ISLR: variants seen among roughly 807,000 people sequenced by gnomAD.
ISLR encodes immunoglobulin superfamily containing leucine rich repeat.
Under a neutral mutation model 11.0 loss-of-function variants are expected in ISLR, and 9 were observed. The observed-to-expected ratio is 0.82, with a 90% CI of 0.49 to 1.43. The LOEUF is 1.43. ISLR is among the 40% of genes most tolerant of loss of function. ISLR has a pLI of 0.00. For synonymous variants in ISLR, 262 were observed against 264.1 expected (o/e 0.99, Z 0.08); for missense variants, 510 against 576.4 (o/e 0.88, Z 1.18).
chr15:74,175,418 G>A lies in ISLR; in HGVS notation c.560G>A (p.Gly187Asp). ...GAGAACCCCTTCGACTGCACCTGCG[G>A]CATCGTGTGGCTCAAGACATGGGCC... ...INENPFDCTCGIVWLKTWALT... is the reference protein window; with the variant it reads ...INENPFDCTCDIVWLKTWALT... The change falls in exon 2 of 2, where the codon GGC (glycine) becomes GAC (aspartate). Residue 187 changes from glycine (G) to aspartate (D), a missense_variant. Transcript: ENST00000249842. The surrounding 1 kb of genome is among the most constrained non-coding windows in gnomAD (Gnocchi z 4.7). 1.2e-6 allele frequency: 2 copies of A among 1,612,040 alleles called. No homozygotes were observed. The highest frequency in any genetic ancestry group is 8.5e-7 in the Non-Finnish European group (1 of 1,179,968).
rs1342200652 is a variant in ISLR at position 74,175,048 on chromosome 15, G to C, written c.190G>C (p.Gly64Arg). 4 of 1,611,350 alleles carry C rather than the reference G, an allele frequency of 2.5e-6. No individual in the cohort carries two copies. Among genetic ancestry groups the C allele is most frequent in the Non-Finnish European group, 2.5e-6 (3 of 1,178,954 alleles). Residue 64 changes from glycine (G) to arginine (R), a missense_variant, in exon 2 of 2, where the codon GGC becomes CGC. Coordinates refer to ENST00000249842, the MANE Select transcript of ISLR (RefSeq NM_005545.4). The surrounding 1 kb of genome is among the most constrained non-coding windows in gnomAD (Gnocchi z 4.7). ...TLSLSANRLP[G>R]LPEGAFREVP... ...GAGCCTGTCAGCCAACCGGCTGCCA[G>C]GCTTGCCGGAGGGTGCCTTCAGGGA...
At position 74,175,160 on chromosome 15, in the gene ISLR, A is replaced by G. The variant is rs1176764625; in HGVS notation, c.302A>G (p.Lys101Arg). 6.2e-7 allele frequency: 1 copy of G among 1,612,316 alleles called. No individual in the cohort carries two copies. The highest frequency in any genetic ancestry group is 8.5e-7 in the Non-Finnish European group (1 of 1,179,996). ...AGALASLSHL[K>R]SLDLSHNLIS... ...GCCCTGGCCTCTCTGAGCCATCTCA[A>G]GAGCCTGGACCTCAGCCACAATCTC... The change falls in exon 2 of 2, where the codon AAG becomes AGG. Residue 101 changes from lysine to arginine, a missense_variant. Physicochemically the swap from Lys to Arg is conservative, Grantham distance 26. Coordinates refer to ENST00000249842, the MANE Select transcript of ISLR (RefSeq NM_005545.4). This position sits in a 1 kb window ranked among gnomAD's most constrained non-coding sequence, Gnocchi z 4.7.
chr15:74,174,737 G>T (rs2072771614), intron 1 of ISLR, 114 bp from the exon 2 acceptor site: 4 of 756,728 alleles, frequency 5.3e-6, no homozygotes, highest in Non-Finnish European at 8.1e-6. Flanking sequence ...GATTTAGCTG[G>T]GTTATGTGGG....
Position 74,176,865 on chromosome 15 carries a change from T to G in ISLR, c.*720T>G, listed in dbSNP as rs977081303. The G allele has an allele frequency of 6.0e-6, 1 of 167,214 alleles. No individual in the cohort carries two copies. Among genetic ancestry groups the G allele is most frequent in the East Asian group, 1.9e-4 (1 of 5,210 alleles). 10.4% of individuals were successfully genotyped at this position (167,214 alleles called of 1,614,324 possible). A position where few individuals can be genotyped will look rare whatever the true frequency, so the allele number is the denominator to read the frequency against. ...GCAGCAGAGAAATAAACAGCATTTCTGATGCCCCTCCGTGTCTGCCTGGAA... is the reference window on the plus strand; with the variant it reads ...GCAGCAGAGAAATAAACAGCATTTCGGATGCCCCTCCGTGTCTGCCTGGAA... On this transcript the variant is annotated 3_prime_UTR_variant, in exon 2 of 2. Coordinates refer to ENST00000249842, the MANE Select transcript of ISLR (RefSeq NM_005545.4).
At chr15:74,174,145 G>C (rs1275554925) in intron 1 of ISLR, 126 bp downstream of exon 1, 1 of 152,372 alleles carries the variant, frequency 6.6e-6, no homozygotes, top group African/African-American at 2.4e-5. Context: ...CCCTAGCTTG[G>C]AGCCGTCCAG....
rs2072795631 is a variant in ISLR, at chr15:74,176,316, C to T, written c.*171C>T. On this transcript the variant is annotated 3_prime_UTR_variant, in exon 2 of 2. Coordinates refer to ENST00000249842, the MANE Select transcript of ISLR (RefSeq NM_005545.4). ...CTGCTATCCCCAACTTCTAGACCTG[C>T]TCCAAACTAGTGACTAGGATAGAAT... 1 of 558,900 alleles carries T rather than the reference C, an allele frequency of 1.8e-6. No individual in the cohort carries two copies. Among genetic ancestry groups the T allele is most frequent in the Non-Finnish European group, 3.2e-6 (1 of 314,120 alleles). 34.6% of individuals were successfully genotyped at this position (558,900 alleles called of 1,614,324 possible). A position where few individuals can be genotyped will look rare whatever the true frequency, so the allele number is the denominator to read the frequency against.
rs1406394647 is a variant in ISLR, at chr15:74,175,474, GACA to G, written c.620_622del (p.Asn207del). ...CACGGCCGTGTCCATCCCGGAGCAG[GACA>G]ACATCGCCTGCACCTCACCCCATGT... On this transcript the variant is annotated inframe_deletion, in exon 2 of 2. Transcript: ENST00000249842. This position sits in a 1 kb window ranked among gnomAD's most constrained non-coding sequence, Gnocchi z 4.7. 4 of 1,610,630 alleles carry G rather than the reference GACA, an allele frequency of 2.5e-6. No individual in the cohort carries two copies. Among genetic ancestry groups the G allele is most frequent in the Admixed American group, 1.7e-5 (1 of 60,008 alleles).
chr15:74,175,632 T>C lies in ISLR; in HGVS notation c.774T>C (p.Asp258=). Residue 258 remains aspartate (D), a synonymous_variant, in exon 2 of 2, where the codon GAT becomes GAC. Coordinates refer to ENST00000249842, the MANE Select transcript of ISLR (RefSeq NM_005545.4). This position sits in a 1 kb window ranked among gnomAD's most constrained non-coding sequence, Gnocchi z 4.7. The part of the protein sequence containing the change: ...RPGFVLALHC[D]VDGQPAPQLH... ...GTTTTGTGCTGGCACTGCACTGTGA[T>C]GTGGACGGGCAGCCGGCCCCTCAGC... 1 of 1,614,046 alleles carries C rather than the reference T, an allele frequency of 6.2e-7. No individual in the cohort carries two copies. The highest frequency in any genetic ancestry group is 8.5e-7 in the Non-Finnish European group (1 of 1,180,022).
Position 74,175,390 on chromosome 15 carries a change from A to G in ISLR, c.532A>G (p.Asn178Asp). The G allele has an allele frequency of 6.2e-7, 1 of 1,611,950 alleles. No homozygotes were observed. Among genetic ancestry groups the G allele is most frequent in the Non-Finnish European group, 8.5e-7 (1 of 1,179,928 alleles). The change falls in exon 2 of 2, where the codon AAC becomes GAC. Residue 178 changes from asparagine (N) to aspartate (D), a missense_variant. Coordinates refer to ENST00000249842, the MANE Select transcript of ISLR (RefSeq NM_005545.4). The surrounding 1 kb of genome is among the most constrained non-coding windows in gnomAD (Gnocchi z 4.7). ...CACCGCGCTGTCCCACCTGCAGATC[A>G]ACGAGAACCCCTTCGACTGCACCTG... ...PLTALSHLQINENPFDCTCGI... is the reference protein window; with the variant it reads ...PLTALSHLQIDENPFDCTCGI...
In ISLR at chr15:74,175,829, C is replaced by T. The variant is rs2072789352; in HGVS notation, c.971C>T (p.Thr324Ile). ...IPDFGKLEEG[T>I]YSCLATNELG... ...GACTTTGGCAAGCTGGAGGAAGGCA[C>T]CTACAGCTGCCTGGCCACCAATGAG... The change falls in exon 2 of 2, where the codon ACC becomes ATC. Residue 324 changes from threonine to isoleucine, a missense_variant. Transcript: ENST00000249842. This position sits in a 1 kb window ranked among gnomAD's most constrained non-coding sequence, Gnocchi z 4.7. 1.2e-6 allele frequency: 2 copies of T among 1,613,902 alleles called. No homozygotes were observed. The highest frequency in any genetic ancestry group is 1.7e-6 in the Non-Finnish European group (2 of 1,180,026).
In ISLR at chr15:74,175,257, GC is replaced by G; in HGVS notation, c.400del (p.Leu134Ter). 1.1e-5 allele frequency: 18 copies of G among 1,613,192 alleles called. No homozygotes were observed. The highest frequency in any genetic ancestry group is 1.5e-5 in the Non-Finnish European group (18 of 1,180,028). Reference protein sequence around the residue: ...LQLLKMDSNELTFIPRDAFRS... With the variant: ...LQLLKMDSNEXTFIPRDAFRS... The stretch of plus-strand genomic sequence containing the variant: ...AATTGCTCAAGATGGACAGCAACGA[GC>G]TGACCTTCATCCCCCGCGACGCCTT... On this transcript the variant is annotated frameshift_variant, in exon 2 of 2. Transcript: ENST00000249842. LOFTEE classifies it high-confidence loss of function. This position sits in a 1 kb window ranked among gnomAD's most constrained non-coding sequence, Gnocchi z 4.7.
Position 74,175,578 on chromosome 15 carries a change from C to T in ISLR, c.720C>T (p.Pro240=). ...CCTCAGTGCAGCTCAGCTACCAACC[C>T]AGCCAGGATGGTGCCGAGCTGCGGC... is the stretch of plus-strand genomic sequence containing the variant. The part of the protein sequence containing the change: ...SAPSVQLSYQ[P]SQDGAELRPG... Residue 240 remains proline, a synonymous_variant, in exon 2 of 2, where the codon CCC becomes CCT. Coordinates refer to ENST00000249842, the MANE Select transcript of ISLR (RefSeq NM_005545.4). This position sits in a 1 kb window ranked among gnomAD's most constrained non-coding sequence, Gnocchi z 4.7. The T allele has an allele frequency of 6.2e-7, 1 of 1,613,014 alleles. No individual in the cohort carries two copies. Among genetic ancestry groups the T allele is most frequent in the Non-Finnish European group, 8.5e-7 (1 of 1,179,524 alleles).
Position 74,173,734 on chromosome 15 carries a change from G to A in ISLR, c.-294G>A, listed in dbSNP as rs1484153659. 6.5e-6 allele frequency: 1 copy of A among 154,428 alleles called. No individual in the cohort carries two copies. The highest frequency in any genetic ancestry group is 1.5e-5 in the Non-Finnish European group (1 of 68,230). The allele number at this position is 154,428 out of a possible 1,614,324, so 9.6% of individuals were successfully genotyped here. Reference sequence around the variant, plus strand: ...TGTCACTTATGAAACACAGGTCCTTGTTGCTGCAGAGAAGCAGTTGTTTTG... The same window carrying A: ...TGTCACTTATGAAACACAGGTCCTTATTGCTGCAGAGAAGCAGTTGTTTTG... On this transcript the variant is annotated 5_prime_UTR_variant, in exon 1 of 2. Coordinates refer to ENST00000249842, the MANE Select transcript of ISLR (RefSeq NM_005545.4).
rs868026730 is a variant in ISLR at position 74,175,970 on chromosome 15, C to T, written c.1112C>T (p.Thr371Met). 14 of 1,611,304 alleles carry T rather than the reference C, an allele frequency of 8.7e-6. No homozygotes were observed. Among genetic ancestry groups the T allele is most frequent in the East Asian group, 4.5e-5 (2 of 44,834 alleles). The change falls in exon 2 of 2, where the codon ACG (threonine) becomes ATG (methionine). Residue 371 changes from threonine (T) to methionine (M), a missense_variant. Coordinates refer to ENST00000249842, the MANE Select transcript of ISLR (RefSeq NM_005545.4). This position sits in a 1 kb window ranked among gnomAD's most constrained non-coding sequence, Gnocchi z 4.7. ...GKAVEGKGCY[T>M]VDNEVQPSGP... is the part of the protein sequence containing the mutation. ...GCGGTTGAGGGAAAGGGCTGCTATA[C>T]GGTTGACAACGAGGTGCAGCCATCA...
At position 74,174,868 on chromosome 15, in the gene ISLR, C is replaced by A; in HGVS notation, c.10C>A (p.Leu4Met). The change falls in exon 2 of 2, where the codon CTG becomes ATG. Residue 4 changes from leucine (L) to methionine (M), a missense_variant. By Grantham distance (15) the Leu-to-Met change is conservative (BLOSUM62 2). Coordinates refer to ENST00000249842, the MANE Select transcript of ISLR (RefSeq NM_005545.4). MQE[L>M]HLLWWALLLG... is the part of the protein sequence containing the mutation. ...CTCTGCAGGAGGCACCATGCAGGAGCTGCATCTGCTCTGGTGGGCGCTTCT... is the reference window on the plus strand; with the variant it reads ...CTCTGCAGGAGGCACCATGCAGGAGATGCATCTGCTCTGGTGGGCGCTTCT... 1 of 1,524,410 alleles carries A rather than the reference C, an allele frequency of 6.6e-7. No individual in the cohort carries two copies. Among genetic ancestry groups the A allele is most frequent in the Non-Finnish European group, 8.8e-7 (1 of 1,139,962 alleles). 94.4% of individuals were successfully genotyped at this position (1,524,410 alleles called of 1,614,324 possible).
chr15:74,175,774 G>C lies in ISLR; in HGVS notation c.916G>C (p.Ala306Pro), dbSNP rs1463729178. The change falls in exon 2 of 2, where the codon GCC (alanine) becomes CCC (proline). Residue 306 changes from alanine (A) to proline (P), a missense_variant. Physicochemically the swap from Ala to Pro is conservative, Grantham distance 27 (BLOSUM62 -1). Transcript: ENST00000249842. This position sits in a 1 kb window ranked among gnomAD's most constrained non-coding sequence, Gnocchi z 4.7. The part of the protein sequence containing the change: ...PVASSQPRFQ[A>P]FANGSLLIPD... ...GGCCAGCTCCCAGCCGCGCTTCCAG[G>C]CCTTTGCCAATGGCAGCCTGCTTAT... 2 of 1,614,058 alleles carry C rather than the reference G, an allele frequency of 1.2e-6. No homozygotes were observed. The highest frequency in any genetic ancestry group is 1.7e-6 in the Non-Finnish European group (2 of 1,180,012).
In ISLR at chr15:74,175,272, C is replaced by T. The variant is rs774631264; in HGVS notation, c.414C>T (p.Pro138=). 8.7e-6 allele frequency: 14 copies of T among 1,612,732 alleles called. No homozygotes were observed. The East Asian group carries it at 3.1e-4, about 36-fold the overall frequency. Residue 138 remains proline, a synonymous_variant, in exon 2 of 2, where the codon CCC becomes CCT. Coordinates refer to ENST00000249842, the MANE Select transcript of ISLR (RefSeq NM_005545.4). The surrounding 1 kb of genome is among the most constrained non-coding windows in gnomAD (Gnocchi z 4.7). ...ACAGCAACGAGCTGACCTTCATCCC[C>T]CGCGACGCCTTCCGCAGCCTCCGTG... ...KMDSNELTFI[P]RDAFRSLRAL...
Position 74,176,173 on chromosome 15 carries a change from C to G in ISLR, c.*28C>G. On this transcript the variant is annotated 3_prime_UTR_variant, in exon 2 of 2. Transcript: ENST00000249842. ...CCACCCAGGGCTTCCCTAACTCCTC[C>G]CCTTGCCCCTACCAATGCCCCTTTA... 6.6e-7 allele frequency: 1 copy of G among 1,514,902 alleles called. No individual in the cohort carries two copies. Among genetic ancestry groups the G allele is most frequent in the Non-Finnish European group, 8.9e-7 (1 of 1,129,416 alleles). The allele number at this position is 1,514,902 out of a possible 1,614,324, so 93.8% of individuals were successfully genotyped here. A position where few individuals can be genotyped will look rare whatever the true frequency, so the allele number is the denominator to read the frequency against.
At position 74,175,091 on chromosome 15, in the gene ISLR, C is replaced by T. The variant is rs752028708; in HGVS notation, c.233C>T (p.Ser78Leu). The T allele has an allele frequency of 1.7e-5, 28 of 1,611,734 alleles. No individual in the cohort carries two copies. The South Asian group carries it at 2.2e-4, about 13-fold the overall frequency. ...TTCAGGGAGGTGCCCCTGCTGCAGT[C>T]GCTGTGGCTGGCACACAATGAGATC... is the stretch of plus-strand genomic sequence containing the variant. ...GAFREVPLLQ[S>L]LWLAHNEIRT... The change falls in exon 2 of 2, where the codon TCG becomes TTG. Residue 78 changes from serine to leucine, a missense_variant. Transcript: ENST00000249842. The surrounding 1 kb of genome is among the most constrained non-coding windows in gnomAD (Gnocchi z 4.7).
Sources: allele counts gnomAD v4.1 joint callset, GRCh38; gene constraint gnomAD v4.1.1; non-coding constraint Gnocchi (gnomAD v3.1); transcripts MANE v1.5; gene names NCBI Gene and HGNC (gene_info 2026-07-23, HGNC 2026-07-21).